The following AMD1 variants were observed in gnomAD, a reference collection of about 807,000 sequenced individuals.
AMD1 encodes adenosylmethionine decarboxylase 1, also known as S-adenosylmethionine decarboxylase proenzyme.
A neutral mutation model predicts 40.2 loss-of-function variants in AMD1; 11 were observed. The observed-to-expected ratio is 0.27, with a 90% CI of 0.17 to 0.45. The LOEUF (loss-of-function observed/expected upper bound fraction) is 0.45, where lower values mean the gene tolerates loss of function less well. Among genes scored for constraint, AMD1 ranks in the 20% least tolerant of loss-of-function variants. The pLI, the probability that AMD1 is intolerant of heterozygous loss-of-function variation, is 1.00. For missense variants in AMD1, 257 were observed against 410.2 expected, an observed-to-expected ratio of 0.63 and a Z score of 3.23; for synonymous variants, 121 against 130.8, an observed-to-expected ratio of 0.93 and a Z score of 0.51.
At chr6:110,858,730 C>A in the AMD1 span, 2 of 778,122 alleles carry the variant, frequency 2.6e-6, no homozygotes, top group South Asian at 1.4e-5. Context: ...CTGGCCAGTG[C>A]ACCATCGGGC....
the AMD1 span, among the ~76,000 whole-genome samples, chr6:110,821,969 C>T: frequency 6.6e-5 from 10 of 152,206 alleles, no homozygotes; most frequent in Admixed American, 5.9e-4. Flanking sequence ...TAACAAAGAT[C>T]AGAGCAGAAC....
At chr6:110,877,942 G>A (rs1203322586) in intron 1 of AMD1, among the ~76,000 whole-genome samples, 1 of 152,154 alleles carries the variant, frequency 6.6e-6, no homozygotes, top group Admixed American at 6.5e-5. Flanking sequence ...TCCAAAGAGA[G>A]CATTAGTATT....
the AMD1 span, chr6:110,858,984 C>T: frequency 8.8e-7 from 1 of 1,136,554 alleles, no homozygotes. Context: ...GGGCTACACG[C>T]AGGGCGCCAA....
Position 110,892,207 on chromosome 6 carries a change from T to G in AMD1, c.470+4T>G. ...GACGTATGAATTCTGACTGTTGGTA[T>G]GTTTAATGCAATTTTGTGGATTTTT... On this transcript the variant is annotated splice_donor_region_variant and intron_variant, in intron 5 of 8. Transcript: ENST00000368885. The G allele has an allele frequency of 1.2e-6, 2 of 1,613,878 alleles. No homozygotes were observed. Among genetic ancestry groups the G allele is most frequent in the Non-Finnish European group, 1.7e-6 (2 of 1,179,978 alleles).
chr6:110,863,430 C>T, the AMD1 span, among the ~76,000 whole-genome samples: 1 of 149,182 alleles, frequency 6.7e-6, no homozygotes, highest in African/African-American at 2.5e-5. Flanking sequence ...AGTGAAGAGG[C>T]ACAATCTCAG....
chr6:110,837,227 G>A, the AMD1 span, among the ~76,000 whole-genome samples: 52 of 146,106 alleles, frequency 3.6e-4, no homozygotes, highest in South Asian at 0.011. Flanking sequence ...CTAGCACTTT[G>A]GGAGGTCTAG....
At position 110,878,000 on chromosome 6, in the gene AMD1, A is replaced by G. The variant is rs79563566; in HGVS notation, c.110+2785A>G. ...AGATAAGGATATGAGGGAGAAAAAA[A>G]TCCTGGAAAAATAGCTTTCCAAAAC... is the stretch of plus-strand genomic sequence containing the variant. On this transcript the variant is annotated intron_variant, in intron 1 of 8. Coordinates refer to ENST00000368885, the MANE Select transcript of AMD1 (RefSeq NM_001634.6). Among the ~76,000 whole-genome samples the G allele has an allele frequency of 2.9e-3, 445 of 152,336 alleles. 1 individual carries two copies. In the Middle Eastern group the frequency reaches 0.034, roughly 12 times the overall value.
At chr6:110,858,565 C>A in the AMD1 span, 2 of 1,600,036 alleles carry the variant, frequency 1.2e-6, no homozygotes, top group African/African-American at 1.3e-5. Context: ...TCGATGCCAA[C>A]GACCTGTTTG....
At chr6:110,819,940 G>GACAT in the AMD1 span, among the ~76,000 whole-genome samples, 36 of 152,268 alleles carry the variant, frequency 2.4e-4, no homozygotes, top group African/African-American at 8.7e-4. Context: ...CATTATAGGA[G>GACAT]ACATCCTACC....
At chr6:110,834,772 C>T in the AMD1 span, among the ~76,000 whole-genome samples, 5 of 151,806 alleles carry the variant, frequency 3.3e-5, no homozygotes, top group Non-Finnish European at 5.9e-5. Flanking sequence ...TCCTGGCCAA[C>T]GTGGTGAAAC....
At chr6:110,832,010 A>AT in the AMD1 span, among the ~76,000 whole-genome samples, 2,978 of 128,222 alleles carry the variant, frequency 0.023, 55 homozygotes, top group African/African-American at 0.039. Flanking sequence ...TGCCTGGCTA[A>AT]TTTTTTTTTT....
intron 1 of AMD1, among the ~76,000 whole-genome samples, chr6:110,876,861 A>T (rs1400295479): frequency 6.7e-6 from 1 of 149,992 alleles, no homozygotes; most frequent in Non-Finnish European, 1.5e-5. Flanking sequence ...GAAAACGAAT[A>T]ACAGAAGTTG....
intron 1 of AMD1, among the ~76,000 whole-genome samples, chr6:110,885,495 A>G (rs1376280378): frequency 6.6e-6 from 1 of 152,132 alleles, no homozygotes; most frequent in Non-Finnish European, 1.5e-5. Flanking sequence ...CAGTGGCAAG[A>G]TCTCAGCTCA....
chr6:110,869,386 C>G, the AMD1 span, among the ~76,000 whole-genome samples: 2 of 152,198 alleles, frequency 1.3e-5, no homozygotes, highest in African/African-American at 2.4e-5. Flanking sequence ...CCCGCCTCGG[C>G]CTCCCAAAGT....
the AMD1 span, among the ~76,000 whole-genome samples, chr6:110,826,165 TA>T: frequency 0.27 from 25,279 of 94,278 alleles, 3,090 homozygotes; most frequent in South Asian, 0.4. Context: ...CCTGTCTCAT[TA>T]AAAAAAAAAA....
chr6:110,891,395 A>G (rs1786010119), intron 4 of AMD1: 1 of 152,236 alleles, frequency 6.6e-6, no homozygotes, highest in African/African-American at 2.4e-5. Context: ...CCAGCATTTT[A>G]TATAATAATT....
chr6:110,817,106 A>G, the AMD1 span, among the ~76,000 whole-genome samples: 1 of 152,210 alleles, frequency 6.6e-6, no homozygotes, highest in Non-Finnish European at 1.5e-5. Context: ...TTTGGGATAC[A>G]CACTTAAACA....
intron 1 of AMD1, among the ~76,000 whole-genome samples, chr6:110,883,099 T>C (rs1785495970): frequency 6.6e-6 from 1 of 152,172 alleles, no homozygotes; most frequent in African/African-American, 2.4e-5. Flanking sequence ...TTCTCCAGCC[T>C]GGGTGACAGT....
Position 110,892,222 on chromosome 6 carries a change from T to C in AMD1, c.470+19T>C, listed in dbSNP as rs1281177265. Reference sequence around the variant, plus strand: ...ACTGTTGGTATGTTTAATGCAATTTTGTGGATTTTTGTTGTCCTATGTAAG... The same window carrying C: ...ACTGTTGGTATGTTTAATGCAATTTCGTGGATTTTTGTTGTCCTATGTAAG... On this transcript the variant is annotated intron_variant, in intron 5 of 8. Transcript: ENST00000368885. 1 of 1,613,842 alleles carries C rather than the reference T, an allele frequency of 6.2e-7. No homozygotes were observed. The highest frequency in any genetic ancestry group is 1.7e-5 in the Admixed American group (1 of 60,014).
Sources: gnomAD v4.1 joint callset for allele counts (sites outside exome capture counted in the v4.1 genomes callset) on GRCh38, gnomAD v4.1.1 for gene constraint, MANE v1.5 for transcripts, NCBI Gene and HGNC (gene_info 2026-07-23, HGNC 2026-07-21) for gene names.